The following ANP32A variants were observed in gnomAD, a reference collection of about 807,000 sequenced individuals.
The protein encoded by ANP32A is acidic leucine-rich nuclear phosphoprotein 32 family member A.
Under a neutral mutation model 33.9 loss-of-function variants are expected in ANP32A, and 1 was observed. That is an observed-to-expected ratio of 0.03 (90% CI 0.01 to 0.14). The LOEUF is 0.14. ANP32A is among the 10% of genes least tolerant of loss of function. The pLI, the probability that ANP32A is intolerant of heterozygous loss-of-function variation, is 1.00. For missense variants in ANP32A, 155 were observed against 306.0 expected, an observed-to-expected ratio of 0.51 and a Z score of 3.68; for synonymous variants, 115 against 120.5, an observed-to-expected ratio of 0.95 and a Z score of 0.30.
chr15:68,788,863 T>G (rs527755056), intron 1 of ANP32A, among the ~76,000 whole-genome samples: 55 of 152,202 alleles, frequency 3.6e-4, no homozygotes, highest in Non-Finnish European at 7.5e-4. Context: ...ATTTGGGTCC[T>G]AAATCCTTTA....
At chr15:68,804,362 C>T (rs1307263423) in intron 1 of ANP32A, among the ~76,000 whole-genome samples, 1 of 152,180 alleles carries the variant, frequency 6.6e-6, no homozygotes, top group Non-Finnish European at 1.5e-5. Flanking sequence ...CCTTTCTGAG[C>T]CTTGGTTCCC....
At chr15:68,793,508 A>T (rs187697678) in intron 1 of ANP32A, among the ~76,000 whole-genome samples, 4 of 152,324 alleles carry the variant, frequency 2.6e-5, no homozygotes, top group African/African-American at 7.2e-5. Flanking sequence ...AAGAAACAGT[A>T]AGCCAAGGTC....
intron 1 of ANP32A, among the ~76,000 whole-genome samples, chr15:68,819,558 C>G (rs1357225668): frequency 2.0e-5 from 3 of 152,254 alleles, no homozygotes; most frequent in Non-Finnish European, 4.4e-5. Context: ...CCAGCCAGTA[C>G]CCACCACGGG....
Position 68,782,995 on chromosome 15 carries a change from C to A in ANP32A, c.585G>T (p.Glu195Asp). Residue 195 changes from glutamate to aspartate, a missense_variant, in exon 5 of 7, where the codon GAG becomes GAT. Transcript: ENST00000465139. ...VVEDEEDEDE[E>D]EEGEEEDVSG... Reference sequence around the variant, plus strand: ...TCACGTCCTCCTCTTCACCTTCCTCCTCCTCATCCTCGTCCTCCTCGTCTT... The same window carrying A: ...TCACGTCCTCCTCTTCACCTTCCTCATCCTCATCCTCGTCCTCCTCGTCTT... 1 of 1,551,656 alleles carries A rather than the reference C, an allele frequency of 6.4e-7. No individual in the cohort carries two copies. The highest frequency in any genetic ancestry group is 8.7e-7 in the Non-Finnish European group (1 of 1,146,694).
chr15:68,818,332 G>A, intron 1 of ANP32A: 1 of 203,928 alleles, frequency 4.9e-6, no homozygotes, highest in South Asian at 4.8e-5. Flanking sequence ...GTGTGTGGGG[G>A]GCCCAGGGGC....
chr15:68,796,061 G>A (rs888899077), intron 1 of ANP32A, among the ~76,000 whole-genome samples: 8 of 152,128 alleles, frequency 5.3e-5, no homozygotes, highest in South Asian at 2.1e-4. Context: ...CAGGGTACAC[G>A]ACCCAGTGAA....
chr15:68,817,487 G>C (rs1216741548), intron 1 of ANP32A: 1 of 152,456 alleles, frequency 6.6e-6, no homozygotes, highest in Non-Finnish European at 1.5e-5. Flanking sequence ...AGGGCCACTA[G>C]AGTCGCGTGC....
At chr15:68,801,306 T>C (rs928964497) in intron 1 of ANP32A, among the ~76,000 whole-genome samples, 7 of 149,758 alleles carry the variant, frequency 4.7e-5, no homozygotes, top group Admixed American at 4.7e-4. Context: ...CAGGTAGAAA[T>C]GGGCCTAATC....
chr15:68,815,409 T>C (rs1894366993), intron 1 of ANP32A, among the ~76,000 whole-genome samples: 1 of 133,344 alleles, frequency 7.5e-6, no homozygotes, highest in Non-Finnish European at 1.5e-5. Flanking sequence ...TTGAGTACAA[T>C]TTTTTTTTTG....
At chr15:68,815,173 C>T (rs1894363577) in intron 1 of ANP32A, among the ~76,000 whole-genome samples, 1 of 152,172 alleles carries the variant, frequency 6.6e-6, no homozygotes, top group African/African-American at 2.4e-5. Context: ...GAGAGTACCA[C>T]CCAAATATAT....
chr15:68,797,111 T>C (rs930801012), intron 1 of ANP32A, among the ~76,000 whole-genome samples: 4 of 152,152 alleles, frequency 2.6e-5, no homozygotes, highest in African/African-American at 9.7e-5. Context: ...CTATATCAAT[T>C]TGTAAAATTA....
chr15:68,794,907 C>CTTAA (rs1389494235), intron 1 of ANP32A, among the ~76,000 whole-genome samples: 1 of 152,210 alleles, frequency 6.6e-6, no homozygotes, highest in Non-Finnish European at 1.5e-5. Flanking sequence ...GAAAACAAAA[C>CTTAA]TTAACACTTG....
chr15:68,785,478 A>G (rs199637983), intron 3 of ANP32A, among the ~76,000 whole-genome samples: 1 of 152,184 alleles, frequency 6.6e-6, no homozygotes, highest in East Asian at 1.9e-4. Context: ...AAAGGTGGCC[A>G]GGTCTAACAA....
intron 1 of ANP32A, among the ~76,000 whole-genome samples, chr15:68,807,557 C>A (rs1327101557): frequency 6.6e-6 from 1 of 152,166 alleles, no homozygotes; most frequent in Non-Finnish European, 1.5e-5. Flanking sequence ...CCCCAGCAAG[C>A]ACCTTCTGGA....
chr15:68,787,581 A>G, intron 2 of ANP32A, 46 bp from the exon 3 acceptor site: 1 of 1,613,648 alleles, frequency 6.2e-7, no homozygotes, highest in South Asian at 1.1e-5. Context: ...TTTTAAAATG[A>G]AGGCTACCGG....
At position 68,816,432 on chromosome 15, in the gene ANP32A, G is replaced by A. The variant is rs140306422; in HGVS notation, c.54+4266C>T. Among the ~76,000 whole-genome samples the A allele has an allele frequency of 2.5e-3, 381 of 152,148 alleles. 6 individuals are homozygous for A. The highest frequency in any genetic ancestry group is 9.0e-3 in the African/African-American group (372 of 41,510). ...ATACCTACCTCATAGTGCTGTTGTG[G>A]GGACTAAATTAGTTGATACATGTAA... is the stretch of plus-strand genomic sequence containing the variant. On this transcript the variant is annotated intron_variant, in intron 1 of 6. Coordinates refer to ENST00000465139, the MANE Select transcript of ANP32A (RefSeq NM_006305.4).
intron 5 of ANP32A, among the ~76,000 whole-genome samples, chr15:68,781,847 G>A (rs1056560955): frequency 1.2e-4 from 18 of 152,092 alleles, no homozygotes; most frequent in Non-Finnish European, 2.2e-4. Flanking sequence ...CAAGTGATCC[G>A]CCCGCCTCGG....
rs572589975 is a variant in ANP32A at position 68,796,143 on chromosome 15, G to A, written c.55-8224C>T. On this transcript the variant is annotated intron_variant, in intron 1 of 6. Transcript: ENST00000465139. ...GTCACCTAAGCTGGCGTGCAGTGGC[G>A]TGATCTCGGCTCACTGCAACCTCTG... 4.6e-5 allele frequency among the ~76,000 whole-genome samples: 7 copies of A among 152,292 alleles called. No homozygotes were observed. The East Asian group carries it at 7.7e-4, about 17-fold the overall frequency.
At chr15:68,811,822 C>T (rs749637405) in intron 1 of ANP32A, among the ~76,000 whole-genome samples, 16 of 152,124 alleles carry the variant, frequency 1.1e-4, no homozygotes, top group South Asian at 2.1e-4. Context: ...CTGCAACCTC[C>T]GTCTCCCAGG....
Sources: gnomAD v4.1 joint callset for allele counts (sites outside exome capture counted in the v4.1 genomes callset) on GRCh38, gnomAD v4.1.1 for gene constraint, MANE v1.5 for transcripts, NCBI Gene and HGNC (gene_info 2026-07-23, HGNC 2026-07-21) for gene names.